WDR70: variants seen among roughly 807,000 people sequenced by gnomAD.
WDR70 encodes WD repeat domain 70.
WDR70 carries 53 observed loss-of-function variants against 88.6 expected under a neutral mutation model. The ratio of observed to expected loss-of-function variants is 0.60; its 90% CI spans 0.48 to 0.75. WDR70 has a LOEUF of 0.75. Ranked by LOEUF, WDR70 falls within the 30% of genes least tolerant of loss-of-function variation. The pLI is 0.00. For synonymous variants in WDR70, 280 were observed against 270.0 expected, an observed-to-expected ratio of 1.04 and a Z score of -0.36; for missense variants, 610 against 823.2, an observed-to-expected ratio of 0.74 and a Z score of 3.17.
At chr5:37,742,267 T>G (rs1479376993) in intron 17 of WDR70, among the ~76,000 whole-genome samples, 6 of 151,904 alleles carry the variant, frequency 3.9e-5, no homozygotes, top group African/African-American at 1.5e-4. Flanking sequence ...TCTGTTGTTT[T>G]TTTTTTTTTT....
At chr5:37,559,458 A>G (rs779883365) in intron 9 of WDR70, among the ~76,000 whole-genome samples, 1 of 151,936 alleles carries the variant, frequency 6.6e-6, no homozygotes, top group African/African-American at 2.4e-5. Flanking sequence ...CTTAACACAA[A>G]TATTAATCCA....
intron 8 of WDR70, among the ~76,000 whole-genome samples, chr5:37,515,799 A>C (rs1348263546): frequency 6.6e-6 from 1 of 152,250 alleles, no homozygotes; most frequent in Admixed American, 6.5e-5. Context: ...TTGCTGTATG[A>C]GACCACTCTA....
chr5:37,513,556 A>G (rs1404972292), intron 8 of WDR70, among the ~76,000 whole-genome samples: 1 of 152,204 alleles, frequency 6.6e-6, no homozygotes, highest in Non-Finnish European at 1.5e-5. Flanking sequence ...GACAGAACTA[A>G]TGGAATATAC....
chr5:37,741,558 C>G (rs1748480869), intron 17 of WDR70, among the ~76,000 whole-genome samples: 1 of 152,102 alleles, frequency 6.6e-6, no homozygotes, highest in Non-Finnish European at 1.5e-5. Context: ...GAGCTCACAA[C>G]CTAGATCCGT....
intron 8 of WDR70, among the ~76,000 whole-genome samples, chr5:37,486,103 C>G (rs1739859902): frequency 1.3e-5 from 2 of 151,852 alleles, no homozygotes; most frequent in African/African-American, 4.8e-5. Context: ...TGAAACCTAA[C>G]TTTTTATTTG....
chr5:37,634,645 A>G (rs1744909158), intron 10 of WDR70, among the ~76,000 whole-genome samples: 1 of 152,206 alleles, frequency 6.6e-6, no homozygotes, highest in Non-Finnish European at 1.5e-5. Context: ...GTCTTAAGTG[A>G]GATGATGAGA....
chr5:37,519,172 A>G (rs1214376352), intron 9 of WDR70, among the ~76,000 whole-genome samples: 2 of 152,046 alleles, frequency 1.3e-5, no homozygotes, highest in East Asian at 1.9e-4. Context: ...TGCCATCGTC[A>G]TCATGGCCCA....
intron 8 of WDR70, chr5:37,506,186 G>A (rs1412269461): frequency 9.8e-7 from 1 of 1,023,952 alleles, no homozygotes; most frequent in Non-Finnish European, 1.6e-6. Flanking sequence ...CACCACTGAA[G>A]TTCAAACTCT....
At chr5:37,748,982 A>G (rs1020432814) in intron 17 of WDR70, among the ~76,000 whole-genome samples, 1 of 152,238 alleles carries the variant, frequency 6.6e-6, no homozygotes, top group Non-Finnish European at 1.5e-5. Context: ...GCTGTGGAGA[A>G]ATAGGAACAC....
chr5:37,417,838 C>A (rs945314082), intron 5 of WDR70, among the ~76,000 whole-genome samples: 1 of 152,154 alleles, frequency 6.6e-6, no homozygotes, highest in Non-Finnish European at 1.5e-5. Flanking sequence ...TGAACCACTG[C>A]GCCCAATACA....
chr5:37,412,615 T>C (rs977356855), intron 5 of WDR70, among the ~76,000 whole-genome samples: 2 of 152,180 alleles, frequency 1.3e-5, no homozygotes, highest in Non-Finnish European at 2.9e-5. Context: ...ACAGCAGCTT[T>C]CTAGTTGTGA....
intron 10 of WDR70, among the ~76,000 whole-genome samples, chr5:37,607,593 T>A (rs927229389): frequency 4.1e-4 from 63 of 152,298 alleles, no homozygotes; most frequent in African/African-American, 1.4e-3. Flanking sequence ...CTAGCCACAT[T>A]TGACTATTTT....
At chr5:37,707,920 A>G (rs1747376938) in intron 13 of WDR70, among the ~76,000 whole-genome samples, 1 of 32,612 alleles carries the variant, frequency 3.1e-5, no homozygotes, top group African/African-American at 1.1e-4. Flanking sequence ...TCTCAAAAAA[A>G]GAAAAAAAAA....
intron 11 of WDR70, 127 bp from the exon 12 acceptor site, chr5:37,700,931 T>C (rs1747141352): frequency 1.5e-5 from 9 of 588,526 alleles, no homozygotes; most frequent in Non-Finnish European, 2.7e-5. Context: ...TCTTCTCTCT[T>C]TCTCCCCTTC....
rs1749654172 is a variant in WDR70 at position 37,414,961 on chromosome 5, G to A, written c.492+18391G>A. On this transcript the variant is annotated intron_variant, in intron 5 of 17. Coordinates refer to ENST00000265107, the MANE Select transcript of WDR70 (RefSeq NM_018034.4). ...GCAGTGTTTGTGTCCCTGGGTACTT[G>A]AGATTAGGGAGTGGTGATGACTTTT... Among the ~76,000 whole-genome samples the A allele has an allele frequency of 2.7e-5, 4 of 148,834 alleles. No homozygotes were observed. The South Asian group carries it at 8.4e-4, about 31-fold the overall frequency.
At chr5:37,557,957 A>ACTCTTTAGAAAACTC in intron 9 of WDR70, among the ~76,000 whole-genome samples, 1 of 139,252 alleles carries the variant, frequency 7.2e-6, no homozygotes, top group Non-Finnish European at 1.6e-5. Context: ...TCAAAAGAGT[A>ACTCTTTAGAAAACTC]TTATGTATAT....
intron 13 of WDR70, among the ~76,000 whole-genome samples, chr5:37,713,525 A>G (rs1747574388): frequency 6.6e-6 from 1 of 151,962 alleles, no homozygotes. Context: ...AAACTTGTGT[A>G]GACATGATTG....
At chr5:37,680,752 G>A (rs1287070434) in intron 10 of WDR70, among the ~76,000 whole-genome samples, 2 of 152,074 alleles carry the variant, frequency 1.3e-5, no homozygotes, top group East Asian at 1.9e-4. Context: ...TGTTCCATTG[G>A]TCTACGTGTC....
At chr5:37,402,730 A>G (rs1384229717) in intron 5 of WDR70, among the ~76,000 whole-genome samples, 1 of 151,960 alleles carries the variant, frequency 6.6e-6, no homozygotes, top group East Asian at 1.9e-4. Context: ...GATGTTTTGA[A>G]TACTAGGTCT....
Sources: allele counts gnomAD v4.1 joint callset (sites outside exome capture counted in the v4.1 genomes callset), GRCh38; gene constraint gnomAD v4.1.1; transcripts MANE v1.5; gene names NCBI Gene and HGNC (gene_info 2026-07-23, HGNC 2026-07-21).